Variants in SLC4A10 observed in about 807,000 individuals in gnomAD.
SLC4A10 encodes sodium-driven chloride bicarbonate exchanger.
SLC4A10 carries 42 observed loss-of-function variants against 137.7 expected under a neutral mutation model. The ratio of observed to expected loss-of-function variants is 0.30; its 90% confidence interval spans 0.24 to 0.39. The LOEUF is 0.39. SLC4A10 is among the 10% of genes least tolerant of loss of function. The pLI, the probability that SLC4A10 is intolerant of heterozygous loss-of-function variation, is 1.00. For missense variants in SLC4A10, 925 were observed against 1,355.0 expected, an observed-to-expected ratio of 0.68 and a Z score of 4.98; for synonymous variants, 474 against 464.1, an observed-to-expected ratio of 1.02 and a Z score of -0.27.
chr2:161,900,942 G>C lies in SLC4A10; in HGVS notation c.1373G>C (p.Gly458Ala). The C allele has an allele frequency of 6.4e-7, 1 of 1,564,928 alleles. No homozygotes were observed. The highest frequency in any genetic ancestry group is 8.7e-7 in the Non-Finnish European group (1 of 1,154,192). ...EKRKIPAVPN[G>A]TAAHGEAEPH... ...AGGAAGATTCCTGCTGTACCAAATG[G>C]AACAGCAGCTCATGGGGAAGCAGAG... The change falls in exon 12 of 27, where the codon GGA becomes GCA. Residue 458 changes from glycine to alanine, a missense_variant. Physicochemically the swap from Gly to Ala is moderately conservative, Grantham distance 60. Transcript: ENST00000446997.
intron 2 of SLC4A10, among the ~76,000 whole-genome samples, chr2:161,783,874 C>T (rs921873521): frequency 2.0e-5 from 3 of 151,680 alleles, no homozygotes; most frequent in African/African-American, 4.8e-5. Flanking sequence ...GAAAACAGTA[C>T]ATGACAATAA....
intron 2 of SLC4A10, among the ~76,000 whole-genome samples, chr2:161,777,020 T>C (rs2052428531): frequency 1.3e-5 from 2 of 151,808 alleles, no homozygotes; most frequent in Admixed American, 6.6e-5. Context: ...TTGAGAAATG[T>C]CCATTCAAGT....
intron 1 of SLC4A10, among the ~76,000 whole-genome samples, chr2:161,748,599 G>C (rs758079715): frequency 1.3e-5 from 2 of 151,944 alleles, no homozygotes; most frequent in Non-Finnish European, 2.9e-5. Context: ...GTGTATGTCT[G>C]GGCTTATTTC....
chr2:161,901,162 A>G (rs754552328), intron 12 of SLC4A10, 151 bp downstream of exon 12: 3 of 662,062 alleles, frequency 4.5e-6, no homozygotes, highest in Non-Finnish European at 8.3e-6. Flanking sequence ...ATTTCTCTGA[A>G]GTTACTAATG....
chr2:161,671,945 A>G (rs1342167783), intron 1 of SLC4A10, among the ~76,000 whole-genome samples: 1 of 152,176 alleles, frequency 6.6e-6, no homozygotes, highest in Admixed American at 6.5e-5. Context: ...GATGAGAGGA[A>G]AGAACTGTTT....
At chr2:161,949,822 T>C (rs1003192276) in intron 18 of SLC4A10, among the ~76,000 whole-genome samples, 1 of 152,006 alleles carries the variant, frequency 6.6e-6, no homozygotes, top group African/African-American at 2.4e-5. Context: ...CTTATACATA[T>C]AACCTGAAGG....
intron 1 of SLC4A10, among the ~76,000 whole-genome samples, chr2:161,686,580 TA>T (rs1301561445): frequency 6.6e-6 from 1 of 152,156 alleles, no homozygotes; most frequent in East Asian, 1.9e-4. Context: ...AGGAAACAAA[TA>T]ATCAGAAGTC....
intron 10 of SLC4A10, among the ~76,000 whole-genome samples, chr2:161,882,660 T>C (rs2061890569): frequency 6.6e-6 from 1 of 152,102 alleles, no homozygotes; most frequent in African/African-American, 2.4e-5. Context: ...CTTCATAGTG[T>C]AAAGAAATTT....
At chr2:161,772,300 A>AT (rs1267953902) in intron 2 of SLC4A10, among the ~76,000 whole-genome samples, 2 of 151,860 alleles carry the variant, frequency 1.3e-5, no homozygotes, top group Non-Finnish European at 2.9e-5. Context: ...TTACCTTCCT[A>AT]TTTATGTCAT....
intron 5 of SLC4A10, among the ~76,000 whole-genome samples, chr2:161,860,469 C>T (rs2060374527): frequency 6.6e-6 from 1 of 152,066 alleles, no homozygotes; most frequent in Non-Finnish European, 1.5e-5. Flanking sequence ...AACTGCTTTA[C>T]AATAATATCA....
chr2:161,905,520 T>A, intron 14 of SLC4A10, 122 bp from the exon 15 acceptor site: 1 of 1,352,688 alleles, frequency 7.4e-7, no homozygotes, highest in South Asian at 1.5e-5. Context: ...GTTTAGATAC[T>A]CATGGGATGT....
At chr2:161,638,955 A>G (rs62188963) in intron 1 of SLC4A10, among the ~76,000 whole-genome samples, 11,437 of 152,006 alleles carry the variant, frequency 0.075, 541 homozygotes, top group East Asian at 0.14. Flanking sequence ...AAAAAAGGAG[A>G]CATTTCAACT....
intron 1 of SLC4A10, among the ~76,000 whole-genome samples, chr2:161,719,985 A>G (rs1308772456): frequency 6.6e-6 from 1 of 152,196 alleles, no homozygotes; most frequent in Non-Finnish European, 1.5e-5. Flanking sequence ...TATGTCCTGA[A>G]TGGTAATGCC....
chr2:161,780,836 T>C (rs942582769), intron 2 of SLC4A10, among the ~76,000 whole-genome samples: 2 of 152,010 alleles, frequency 1.3e-5, no homozygotes, highest in African/African-American at 4.8e-5. Flanking sequence ...TTAGATATTA[T>C]TTGCCATGTT....
At chr2:161,845,508 C>G (rs1010732297) in intron 4 of SLC4A10, among the ~76,000 whole-genome samples, 1 of 152,006 alleles carries the variant, frequency 6.6e-6, no homozygotes. Context: ...GTTTGGAACT[C>G]CCTGAAGTTC....
intron 1 of SLC4A10, among the ~76,000 whole-genome samples, chr2:161,747,601 TC>T (rs2048516912): frequency 1.3e-5 from 2 of 152,182 alleles, no homozygotes; most frequent in Non-Finnish European, 2.9e-5. Flanking sequence ...AGTGGGATGA[TC>T]ATTGGAAGGT....
rs931731419 is a variant in SLC4A10, at chr2:161,984,643, G to T, written c.*1491G>T. On this transcript the variant is annotated 3_prime_UTR_variant, in exon 27 of 27. Coordinates refer to ENST00000446997, the MANE Select transcript of SLC4A10 (RefSeq NM_001178015.2). ...GTCTCCATTAAGTTCTACATTTTGA[G>T]ACCTTTTAAAAATTCCCCTCACAAT... The T allele has an allele frequency of 3.1e-4, 47 of 152,014 alleles. No homozygotes were observed. Among genetic ancestry groups the T allele is most frequent in the African/African-American group, 9.2e-4 (38 of 41,410 alleles). 9.4% of individuals were successfully genotyped at this position (152,014 alleles called of 1,614,324 possible). A position where few individuals can be genotyped will look rare whatever the true frequency, so the allele number is the denominator to read the frequency against.
rs528545784 is a variant in SLC4A10 at position 161,802,643 on chromosome 2, A to G, written c.131-1806A>G. Among the ~76,000 whole-genome samples the G allele has an allele frequency of 5.9e-5, 9 of 152,242 alleles. No individual in the cohort carries two copies. In the South Asian group the frequency reaches 1.7e-3, roughly 28 times the overall value. ...CAGAAAAAAATACCACAGGCTGGGC[A>G]GCTTAAACTACAGAAATGTATTTTC... is the stretch of plus-strand genomic sequence containing the variant. On this transcript the variant is annotated intron_variant, in intron 2 of 26. Coordinates refer to ENST00000446997, the MANE Select transcript of SLC4A10 (RefSeq NM_001178015.2).
chr2:161,920,943 A>C (rs554813725), intron 15 of SLC4A10, among the ~76,000 whole-genome samples: 1 of 152,266 alleles, frequency 6.6e-6, no homozygotes, highest in Non-Finnish European at 1.5e-5. Context: ...AGTGATTATC[A>C]GACAGTGTCT....
Sources: gnomAD v4.1 joint callset for allele counts (sites outside exome capture counted in the v4.1 genomes callset) on GRCh38, gnomAD v4.1.1 for gene constraint, MANE v1.5 for transcripts, NCBI Gene and HGNC (gene_info 2026-07-23, HGNC 2026-07-21) for gene names.